PDGFRL: variants seen among roughly 807,000 people sequenced by gnomAD.
The protein encoded by PDGFRL is platelet derived growth factor receptor like.
Under a neutral mutation model 37.2 loss-of-function variants are expected in PDGFRL, and 46 were observed. That is an observed-to-expected ratio of 1.24 (90% confidence interval 0.98 to 1.58). The LOEUF is 1.58. Among genes scored for constraint, PDGFRL ranks in the 40% most tolerant of loss-of-function variants. PDGFRL has a pLI of 0.00. For missense variants in PDGFRL, 692 were observed against 467.6 expected (o/e 1.48, Z -4.43); for synonymous variants, 251 against 184.3 (o/e 1.36, Z -2.93).
intron 1 of PDGFRL, among the ~76,000 whole-genome samples, chr8:17,579,250 A>G (rs1803655302): frequency 6.6e-6 from 1 of 152,190 alleles, no homozygotes. Context: ...TGGACTATTT[A>G]TGGATACAAT....
chr8:17,577,063 G>A (rs1403368865), upstream of PDGFRL: 74 of 487,994 alleles, frequency 1.5e-4, no homozygotes, highest in Non-Finnish European at 2.1e-4. Flanking sequence ...GGCAGGAGAA[G>A]TCACATTACA....
At position 17,587,516 on chromosome 8, in the gene PDGFRL, G is replaced by A. The variant is rs79785664; in HGVS notation, c.56-1952G>A. ...GTATTTATGGGGCACAGATTTCTTG[G>A]GCATGATAATGGTGGGCTTTTCTTT... On this transcript the variant is annotated intron_variant, in intron 1 of 5. Transcript: ENST00000251630. Among the ~76,000 whole-genome samples the A allele has an allele frequency of 9.3e-3, 1,412 of 152,150 alleles. 54 individuals are homozygous for A. In the East Asian group the frequency reaches 0.12, roughly 12 times the overall value.
intron 5 of PDGFRL, among the ~76,000 whole-genome samples, chr8:17,634,502 T>G (rs534520566): frequency 6.6e-6 from 1 of 152,094 alleles, no homozygotes; most frequent in East Asian, 1.9e-4. Flanking sequence ...TTTAAACCCT[T>G]AAGTAAGAAA....
intron 2 of PDGFRL, chr8:17,596,382 T>C: frequency 1.8e-6 from 2 of 1,121,546 alleles, no homozygotes; most frequent in East Asian, 3.0e-5. Flanking sequence ...CTGCCTCCAA[T>C]ACCACGTACA....
upstream of PDGFRL, chr8:17,577,178 C>T (rs768469401): frequency 3.9e-6 from 6 of 1,558,074 alleles, no homozygotes; most frequent in East Asian, 2.3e-5. Flanking sequence ...GCCCGCCCCT[C>T]GCCCGCCGCC....
At chr8:17,630,516 G>C (rs1279472818) in intron 4 of PDGFRL, among the ~76,000 whole-genome samples, 1 of 152,124 alleles carries the variant, frequency 6.6e-6, no homozygotes, top group Admixed American at 6.5e-5. Context: ...AAGACTGTTT[G>C]TTTAAAATCT....
chr8:17,577,722 G>A (rs1453987235), intron 1 of PDGFRL, among the ~76,000 whole-genome samples: 2 of 151,528 alleles, frequency 1.3e-5, no homozygotes, highest in East Asian at 4.0e-4. Context: ...TGCCACCTAA[G>A]CTCGGCAATC....
intron 1 of PDGFRL, among the ~76,000 whole-genome samples, chr8:17,580,617 A>T (rs964596787): frequency 2.0e-5 from 3 of 152,160 alleles, no homozygotes; most frequent in African/African-American, 7.2e-5. Flanking sequence ...AAAGAAGTAA[A>T]GATACAATTT....
At chr8:17,589,902 G>T in intron 2 of PDGFRL, 137 bp downstream of exon 2, 1 of 614,494 alleles carries the variant, frequency 1.6e-6, no homozygotes, top group Non-Finnish European at 2.8e-6. Flanking sequence ...AAGCTCAAAG[G>T]GCAAAAGTCA....
intron 3 of PDGFRL, among the ~76,000 whole-genome samples, chr8:17,624,833 A>G (rs1048797270): frequency 1.3e-5 from 2 of 152,134 alleles, no homozygotes; most frequent in African/African-American, 4.8e-5. Context: ...GCTTACACCC[A>G]GGAGGCAGCG....
intron 2 of PDGFRL, among the ~76,000 whole-genome samples, chr8:17,598,782 A>G (rs901757111): frequency 6.6e-6 from 1 of 152,118 alleles, no homozygotes; most frequent in African/African-American, 2.4e-5. Context: ...TTGAATCATA[A>G]GGGCAGTTCC....
At chr8:17,586,793 A>G (rs6994014) in intron 1 of PDGFRL, among the ~76,000 whole-genome samples, 8,493 of 152,244 alleles carry the variant, frequency 0.056, 383 homozygotes, top group African/African-American at 0.11. Flanking sequence ...CAATTTATAG[A>G]TGAGAAAACT....
chr8:17,611,264 A>C (rs1300294430), intron 2 of PDGFRL, among the ~76,000 whole-genome samples: 1 of 152,204 alleles, frequency 6.6e-6, no homozygotes, highest in Non-Finnish European at 1.5e-5. Context: ...TACTTAACTC[A>C]CATTGGATAA....
At chr8:17,609,880 A>T (rs776226983) in intron 2 of PDGFRL, among the ~76,000 whole-genome samples, 3 of 152,098 alleles carry the variant, frequency 2.0e-5, no homozygotes, top group Non-Finnish European at 4.4e-5. Context: ...ACACCAAGAA[A>T]ACAGTTTGTT....
chr8:17,611,712 T>A (rs979464501), intron 2 of PDGFRL, among the ~76,000 whole-genome samples: 3 of 152,152 alleles, frequency 2.0e-5, no homozygotes, highest in African/African-American at 7.2e-5. Context: ...TGCAATTCTG[T>A]GTGCAATGGG....
chr8:17,641,383 C>T (rs1360666511), intron 5 of PDGFRL, among the ~76,000 whole-genome samples: 1 of 152,212 alleles, frequency 6.6e-6, no homozygotes, highest in Non-Finnish European at 1.5e-5. Context: ...CCCAGTTTCT[C>T]TGGTAGCCCT....
intron 2 of PDGFRL, among the ~76,000 whole-genome samples, chr8:17,615,601 A>G (rs1015492839): frequency 1.3e-5 from 2 of 152,138 alleles, no homozygotes; most frequent in African/African-American, 4.8e-5. Context: ...AACCAGGGGG[A>G]CCATAATAAT....
intron 1 of PDGFRL, among the ~76,000 whole-genome samples, chr8:17,586,782 T>C (rs1173335533): frequency 6.6e-6 from 1 of 152,208 alleles, no homozygotes; most frequent in Non-Finnish European, 1.5e-5. Context: ...CATATCATTC[T>C]CAATTTATAG....
At chr8:17,624,456 T>C (rs150254505) in intron 3 of PDGFRL, among the ~76,000 whole-genome samples, 18 of 152,310 alleles carry the variant, frequency 1.2e-4, no homozygotes, top group African/African-American at 4.3e-4. Context: ...AAGAAAAACA[T>C]TCAAATTCTC....
Sources: allele counts gnomAD v4.1 joint callset (sites outside exome capture counted in the v4.1 genomes callset), GRCh38; gene constraint gnomAD v4.1.1; transcripts MANE v1.5; gene names NCBI Gene and HGNC (gene_info 2026-07-23, HGNC 2026-07-21).